PRMT8: variants seen among roughly 807,000 people sequenced by gnomAD.
PRMT8 encodes protein arginine methyltransferase 8, also known as protein arginine N-methyltransferase 8.
A neutral mutation model predicts 47.1 loss-of-function variants in PRMT8; 7 were observed. That is an observed-to-expected ratio of 0.15 (90% CI 0.08 to 0.28). PRMT8 has a LOEUF of 0.28. PRMT8 is among the 10% of genes least tolerant of loss of function. PRMT8 has a pLI of 1.00. For synonymous variants in PRMT8, 188 were observed against 186.5 expected (o/e 1.01, Z -0.07); for missense variants, 237 against 505.4 (o/e 0.47, Z 5.09).
intron 1 of PRMT8, among the ~76,000 whole-genome samples, chr12:3,513,913 T>C (rs991852870): frequency 6.6e-6 from 1 of 152,268 alleles, no homozygotes; most frequent in African/African-American, 2.4e-5. Context: ...AGATAATGAA[T>C]AATCACAATT....
chr12:3,441,933 A>G (rs1381608795), intron 1 of PRMT8, among the ~76,000 whole-genome samples: 1 of 152,216 alleles, frequency 6.6e-6, no homozygotes, highest in Non-Finnish European at 1.5e-5. Context: ...TAAAAACAGC[A>G]ACTGTGGAAA....
chr12:3,505,578 T>C (rs544870020), intron 1 of PRMT8, among the ~76,000 whole-genome samples: 99 of 152,350 alleles, frequency 6.5e-4, no homozygotes, highest in Middle Eastern at 3.4e-3. Context: ...AACATTGCCT[T>C]ATTTAATTTA....
At chr12:3,518,410 A>T (rs78512314) in intron 1 of PRMT8, among the ~76,000 whole-genome samples, 2,873 of 57,692 alleles carry the variant, frequency 0.05, 34 homozygotes, top group Non-Finnish European at 0.059. Flanking sequence ...TTTTTTTTTT[A>T]AAAAAAAGGC....
chr12:3,434,159 C>T (rs979030008), intron 1 of PRMT8, among the ~76,000 whole-genome samples: 2 of 152,102 alleles, frequency 1.3e-5, no homozygotes, highest in African/African-American at 4.8e-5. Flanking sequence ...GAGGTCTAGT[C>T]ATTAACAAGA....
chr12:3,523,934 C>T (rs915318441), intron 1 of PRMT8, among the ~76,000 whole-genome samples: 1 of 152,224 alleles, frequency 6.6e-6, no homozygotes, highest in African/African-American at 2.4e-5. Flanking sequence ...TACACACATC[C>T]TAAACGTTAC....
In PRMT8 at chr12:3,441,853, A is replaced by G. The variant is rs142091885; in HGVS notation, c.48+60411A>G. 4.7e-3 allele frequency among the ~76,000 whole-genome samples: 717 copies of G among 152,360 alleles called. 5 individuals are homozygous for G. Among genetic ancestry groups the G allele is most frequent in the Middle Eastern group, 0.017 (5 of 294 alleles). ...ACCTAAAAATTGTTTGAAAAGTACA[A>G]TTCTCTAATGGAGATCATTTTCTGT... On this transcript the variant is annotated intron_variant, in intron 1 of 9. Transcript: ENST00000452611.
chr12:3,522,801 C>CAA (rs538695308), intron 1 of PRMT8, among the ~76,000 whole-genome samples: 1 of 150,048 alleles, frequency 6.7e-6, no homozygotes, highest in African/African-American at 2.5e-5. Context: ...AAAAAACAAA[C>CAA]AAACAAAAAA....
intron 1 of PRMT8, among the ~76,000 whole-genome samples, chr12:3,392,106 G>T (rs1431921769): frequency 6.6e-6 from 1 of 152,202 alleles, no homozygotes; most frequent in Non-Finnish European, 1.5e-5. Flanking sequence ...GAGGCACACA[G>T]TGGCATCAGA....
chr12:3,563,013 T>G (rs767925457), intron 4 of PRMT8, among the ~76,000 whole-genome samples: 10 of 152,162 alleles, frequency 6.6e-5, no homozygotes, highest in Admixed American at 5.9e-4. Context: ...TGATAACCCC[T>G]GCTCCCCTTT....
Position 3,397,550 on chromosome 12 carries a change from A to G in PRMT8, c.48+16108A>G, listed in dbSNP as rs1239611892. 2.0e-5 allele frequency among the ~76,000 whole-genome samples: 3 copies of G among 151,450 alleles called. No homozygotes were observed. The East Asian group carries it at 5.8e-4, about 30-fold the overall frequency. On this transcript the variant is annotated intron_variant, in intron 1 of 9. Coordinates refer to the PRMT8 transcript ENST00000452611. ...GGGTCAGGGGTCAGGGACCCACTTG[A>G]GGAGGCAGTCTGCCCGTTCTCAGAT...
intron 1 of PRMT8, among the ~76,000 whole-genome samples, chr12:3,465,311 T>A (rs1865087395): frequency 6.8e-6 from 1 of 146,618 alleles, no homozygotes. Context: ...ATATATATTA[T>A]ATATACATTA....
intron 8 of PRMT8, among the ~76,000 whole-genome samples, chr12:3,584,943 C>T (rs111624141): frequency 5.3e-5 from 8 of 152,160 alleles, no homozygotes; most frequent in Non-Finnish European, 1.2e-4. Context: ...TATTTAACAA[C>T]GTTATCTTGG....
chr12:3,574,940 G>A (rs552376131), intron 6 of PRMT8, among the ~76,000 whole-genome samples: 5 of 152,338 alleles, frequency 3.3e-5, no homozygotes, highest in East Asian at 1.9e-4. Flanking sequence ...GTGTTTTGGC[G>A]TGTACGTTTT....
At chr12:3,525,926 A>T (rs11062701) in intron 1 of PRMT8, among the ~76,000 whole-genome samples, 23,608 of 152,160 alleles carry the variant, frequency 0.16, 2,147 homozygotes, top group East Asian at 0.35. Flanking sequence ...TTCAGTGGTG[A>T]TAAGTACATT....
intron 1 of PRMT8, among the ~76,000 whole-genome samples, chr12:3,393,152 A>T (rs574331364): frequency 3.8e-4 from 58 of 152,092 alleles, no homozygotes; most frequent in African/African-American, 1.3e-3. Context: ...ATTTTCTCCC[A>T]TTTTGTAGGT....
At chr12:3,432,847 G>A (rs868380731) in intron 1 of PRMT8, among the ~76,000 whole-genome samples, 26 of 152,318 alleles carry the variant, frequency 1.7e-4, no homozygotes, top group Middle Eastern at 3.4e-3. Context: ...ATGAGGTGGT[G>A]AAAGTGTGGA....
intron 1 of PRMT8, among the ~76,000 whole-genome samples, chr12:3,512,887 G>A (rs1415950047): frequency 1.3e-5 from 2 of 152,170 alleles, no homozygotes; most frequent in African/African-American, 4.8e-5. Context: ...TAACCACCAG[G>A]CATCACCATT....
chr12:3,450,994 T>C (rs1480748224), intron 1 of PRMT8, among the ~76,000 whole-genome samples: 1 of 121,314 alleles, frequency 8.2e-6, no homozygotes, highest in Non-Finnish European at 1.6e-5. Flanking sequence ...GCAAATCACA[T>C]CTTAGTTTTA....
At chr12:3,454,031 C>T (rs1054617474) in intron 1 of PRMT8, among the ~76,000 whole-genome samples, 7 of 152,176 alleles carry the variant, frequency 4.6e-5, no homozygotes, top group African/African-American at 1.7e-4. Context: ...CACAGCAATG[C>T]GGGCGTCAGC....
Sources: gnomAD v4.1 joint callset for allele counts (sites outside exome capture counted in the v4.1 genomes callset) on GRCh38, gnomAD v4.1.1 for gene constraint, MANE v1.5 for transcripts, NCBI Gene and HGNC (gene_info 2026-07-23, HGNC 2026-07-21) for gene names.